Variants in POU2F1 observed in about 807,000 individuals in gnomAD.
The protein encoded by POU2F1 is POU domain, class 2, transcription factor 1.
Under a neutral mutation model 84.9 loss-of-function variants are expected in POU2F1, and 16 were observed. The observed-to-expected ratio is 0.19, with a 90% CI of 0.13 to 0.29. The LOEUF is 0.29. POU2F1 is among the 10% of genes least tolerant of loss of function. POU2F1 has a pLI of 1.00. For missense variants in POU2F1, 738 were observed against 942.6 expected, an observed-to-expected ratio of 0.78 and a Z score of 2.84; for synonymous variants, 368 against 368.3, an observed-to-expected ratio of 1.00 and a Z score of 0.01.
chr1:167,386,147 G>A (rs1194163841), intron 8 of POU2F1, among the ~76,000 whole-genome samples: 3 of 152,004 alleles, frequency 2.0e-5, no homozygotes. Context: ...GCTTAGTGGT[G>A]TTGCAAAATG....
rs983387848 is a variant in POU2F1, at chr1:167,417,524, T to C, written c.*1714T>C. On this transcript the variant is annotated 3_prime_UTR_variant, in exon 16 of 16. Transcript: ENST00000367866. ...TTTTTTTGTCAGTGTACTGTTGTTA[T>C]GCCATCTGTACCAAAAAATTTTCCA... is the stretch of plus-strand genomic sequence containing the variant. 1.3e-5 allele frequency: 2 copies of C among 152,228 alleles called. No individual in the cohort carries two copies. The highest frequency in any genetic ancestry group is 4.8e-5 in the African/African-American group (2 of 41,468). The allele number at this position is 152,228 out of a possible 1,614,324, so 9.4% of individuals were successfully genotyped here.
At chr1:167,340,746 C>T (rs77022221) in intron 2 of POU2F1, among the ~76,000 whole-genome samples, 3,883 of 151,988 alleles carry the variant, frequency 0.026, 149 homozygotes, top group African/African-American at 0.083. Flanking sequence ...TTTTTGTCTC[C>T]GATGCGCAAG....
chr1:167,286,029 G>A (rs1436237136), intron 1 of POU2F1, among the ~76,000 whole-genome samples: 1 of 152,142 alleles, frequency 6.6e-6, no homozygotes, highest in Non-Finnish European at 1.5e-5. Context: ...ATAATGAAAG[G>A]TATGGCTGGA....
chr1:167,411,871 C>A, intron 13 of POU2F1, 88 bp from the exon 14 acceptor site: 1 of 1,209,328 alleles, frequency 8.3e-7, no homozygotes, highest in Non-Finnish European at 1.2e-6. Flanking sequence ...TTAATTATTC[C>A]ATTGATTATA....
intron 1 of POU2F1, among the ~76,000 whole-genome samples, chr1:167,282,613 CTCTG>C (rs1024720728): frequency 5.9e-5 from 9 of 152,110 alleles, no homozygotes; most frequent in Non-Finnish European, 4.4e-5. Flanking sequence ...CTTCTTTTCA[CTCTG>C]TCTTACTGGT....
intron 1 of POU2F1, among the ~76,000 whole-genome samples, chr1:167,227,889 T>C (rs1648757845): frequency 6.6e-6 from 1 of 152,208 alleles, no homozygotes; most frequent in African/African-American, 2.4e-5. Context: ...TGGAAGGTAA[T>C]TTAGATATAA....
chr1:167,388,502 T>A lies in POU2F1; in HGVS notation c.814-1086T>A, dbSNP rs138717013. On this transcript the variant is annotated intron_variant, in intron 8 of 15. Coordinates refer to ENST00000367866, the MANE Select transcript of POU2F1 (RefSeq NM_002697.4). The stretch of plus-strand genomic sequence containing the variant: ...ATGCATAAAGTTTTTCATTGTGTTA[T>A]CTATGTTAGTGAAAACATAAAAACT... Among the ~76,000 whole-genome samples the A allele has an allele frequency of 2.7e-4, 41 of 152,334 alleles. 1 individual carries two copies. The East Asian group carries it at 6.2e-3, about 23-fold the overall frequency.
At position 167,422,427 on chromosome 1, in the gene POU2F1, C is replaced by G. The variant is rs905577258; in HGVS notation, c.*6617C>G. 6.6e-6 allele frequency: 1 copy of G among 152,190 alleles called. No homozygotes were observed. The highest frequency in any genetic ancestry group is 1.5e-5 in the Non-Finnish European group (1 of 68,036). 9.4% of individuals were successfully genotyped at this position (152,190 alleles called of 1,614,324 possible). A position where few individuals can be genotyped will look rare whatever the true frequency, so the allele number is the denominator to read the frequency against. On this transcript the variant is annotated 3_prime_UTR_variant, in exon 16 of 16. Transcript: ENST00000367866. ...AAAACCTTACTTACTTTTCTCATAC[C>G]AAGGCTAGTTCTTTCTAGACCAAAA...
At chr1:167,399,636 A>G (rs115100607) in intron 12 of POU2F1, among the ~76,000 whole-genome samples, 141 of 152,086 alleles carry the variant, frequency 9.3e-4, no homozygotes, top group Non-Finnish European at 1.1e-3. Flanking sequence ...TATTAACCCA[A>G]GAACTTATTG....
At chr1:167,366,629 C>T (rs746072968) in intron 3 of POU2F1, among the ~76,000 whole-genome samples, 11 of 152,156 alleles carry the variant, frequency 7.2e-5, no homozygotes, top group Non-Finnish European at 1.6e-4. Context: ...CCTAATGGAA[C>T]ACTTTTGCTC....
chr1:167,425,580 C>G lies in POU2F1; in HGVS notation c.*9770C>G, dbSNP rs1650905711. 1 of 152,322 alleles carries G rather than the reference C, an allele frequency of 6.6e-6. No individual in the cohort carries two copies. Among genetic ancestry groups the G allele is most frequent in the East Asian group, 1.9e-4 (1 of 5,198 alleles). 9.4% of individuals were successfully genotyped at this position (152,322 alleles called of 1,614,324 possible). A position where few individuals can be genotyped will look rare whatever the true frequency, so the allele number is the denominator to read the frequency against. On this transcript the variant is annotated 3_prime_UTR_variant, in exon 16 of 16. Transcript: ENST00000367866. ...AAACCCCATCACCACCATCATCCAC[C>G]CTACACCAACCAGGGTCACTATGGG...
intron 1 of POU2F1, among the ~76,000 whole-genome samples, chr1:167,235,179 A>C (rs1473998881): frequency 6.6e-6 from 1 of 152,068 alleles, no homozygotes; most frequent in East Asian, 1.9e-4. Flanking sequence ...AATGCTGTTT[A>C]TTTCTCAATT....
chr1:167,229,415 T>C (rs988930479), intron 1 of POU2F1, among the ~76,000 whole-genome samples: 1 of 152,146 alleles, frequency 6.6e-6, no homozygotes, highest in Non-Finnish European at 1.5e-5. Context: ...CTTGTGAAAA[T>C]TGAAAATTTT....
chr1:167,387,250 A>C (rs1390413190), intron 8 of POU2F1: 1 of 455,800 alleles, frequency 2.2e-6, no homozygotes, highest in Admixed American at 2.4e-5. Context: ...ATCTAAAGGT[A>C]CCCAAGCGAT....
chr1:167,282,132 A>G (rs993364031), intron 1 of POU2F1, among the ~76,000 whole-genome samples: 1 of 151,510 alleles, frequency 6.6e-6, no homozygotes, highest in Admixed American at 6.6e-5. Context: ...AGTAAACAAA[A>G]GAATTTTTTT....
At chr1:167,403,357 C>CACCT (rs1649339943) in intron 13 of POU2F1, among the ~76,000 whole-genome samples, 1 of 152,204 alleles carries the variant, frequency 6.6e-6, no homozygotes. Context: ...TCTGCCTGGA[C>CACCT]ACCTGACCCA....
intron 1 of POU2F1, among the ~76,000 whole-genome samples, chr1:167,262,116 A>G (rs933928045): frequency 6.6e-6 from 1 of 152,214 alleles, no homozygotes. Flanking sequence ...AATCATCTCT[A>G]CAGTCTTAGC....
intron 2 of POU2F1, among the ~76,000 whole-genome samples, chr1:167,344,704 T>C (rs988877743): frequency 1.3e-5 from 2 of 152,110 alleles, no homozygotes; most frequent in African/African-American, 4.8e-5. Context: ...TGTGGCACAG[T>C]CCATTCACTA....
Position 167,353,235 on chromosome 1 carries a change from C to T in POU2F1, c.128-12232C>T, listed in dbSNP as rs1011059682. On this transcript the variant is annotated intron_variant, in intron 2 of 15. Transcript: ENST00000367866. ...CTTCTCTATTTCTGTTTTGCTCTTT[C>T]GTTTTCTGAAAATATCTGCCTTTTG... Among the ~76,000 whole-genome samples, 15 of 152,020 alleles carry T rather than the reference C, an allele frequency of 9.9e-5. No homozygotes were observed. The East Asian group carries it at 2.9e-3, about 29-fold the overall frequency.
Sources: allele counts gnomAD v4.1 joint callset (sites outside exome capture counted in the v4.1 genomes callset), GRCh38; gene constraint gnomAD v4.1.1; transcripts MANE v1.5; gene names NCBI Gene and HGNC (gene_info 2026-07-23, HGNC 2026-07-21).